The following ASXL3 variants were observed in gnomAD, a reference collection of about 807,000 sequenced individuals.
ASXL3 encodes the protein putative Polycomb group protein ASXL3.
Under a neutral mutation model 170.6 loss-of-function variants are expected in ASXL3, and 34 were observed. The ratio of observed to expected loss-of-function variants is 0.20; its 90% CI spans 0.15 to 0.27. The LOEUF (loss-of-function observed/expected upper bound fraction) is 0.27, where lower values mean the gene tolerates loss of function less well. Ranked by LOEUF, ASXL3 falls within the 10% of genes least tolerant of loss-of-function variation. The pLI is 1.00. For synonymous variants in ASXL3, 1,002 were observed against 989.1 expected, an observed-to-expected ratio of 1.01 and a Z score of -0.24; for missense variants, 2,592 against 2,695.3, an observed-to-expected ratio of 0.96 and a Z score of 0.85.
At chr18:33,707,190 T>C (rs2066974621) in intron 8 of ASXL3, among the ~76,000 whole-genome samples, 1 of 151,970 alleles carries the variant, frequency 6.6e-6, no homozygotes, top group African/African-American at 2.4e-5. Context: ...TTTGTTCTTT[T>C]TCTTTGATTA....
At chr18:33,674,375 A>G (rs2066392495) in intron 7 of ASXL3, among the ~76,000 whole-genome samples, 1 of 152,212 alleles carries the variant, frequency 6.6e-6, no homozygotes, top group Non-Finnish European at 1.5e-5. Flanking sequence ...AAGGAGGAAG[A>G]AGGTGAGATT....
chr18:33,705,548 C>T (rs1001121529), intron 8 of ASXL3, among the ~76,000 whole-genome samples: 7 of 151,596 alleles, frequency 4.6e-5, no homozygotes, highest in Non-Finnish European at 1.0e-4. Context: ...TGCCAAACTA[C>T]AGGTAATTGC....
chr18:33,585,949 G>A (rs546941861), intron 1 of ASXL3, among the ~76,000 whole-genome samples: 10 of 152,092 alleles, frequency 6.6e-5, no homozygotes, highest in African/African-American at 1.9e-4. Flanking sequence ...GCAAGTACAC[G>A]TATTCCATTA....
chr18:33,746,772 C>A lies in ASXL3; in HGVS notation c.*177C>A. ...TTCTCATAAAGGGGAGGATGCATCCCAACTGAATGGCTCACTGGCATGTCT... is the reference window on the plus strand; with the variant it reads ...TTCTCATAAAGGGGAGGATGCATCCAAACTGAATGGCTCACTGGCATGTCT... On this transcript the variant is annotated 3_prime_UTR_variant, in exon 12 of 12. Coordinates refer to ENST00000269197, the MANE Select transcript of ASXL3 (RefSeq NM_030632.3). 9.8e-7 allele frequency: 1 copy of A among 1,021,236 alleles called. No individual in the cohort carries two copies. The highest frequency in any genetic ancestry group is 1.3e-6 in the Non-Finnish European group (1 of 741,226). The allele number at this position is 1,021,236 out of a possible 1,614,324, so 63.3% of individuals were successfully genotyped here. A position where few individuals can be genotyped will look rare whatever the true frequency, so the allele number is the denominator to read the frequency against.
chr18:33,734,311 A>G lies in ASXL3; in HGVS notation c.978A>G (p.Gly326=), dbSNP rs1229500961. The change falls in exon 10 of 12, where the codon GGA becomes GGG. Residue 326 remains glycine, a splice_region_variant and synonymous_variant. Transcript: ENST00000269197. ...AQGWKQRLAE[G]EFTPEMQLRI... Reference sequence around the variant, plus strand: ...AATACATTAGCATTTTCTTTTTAGGAGAGTTTACCCCAGAAATGCAGTTGC... The same window carrying G: ...AATACATTAGCATTTTCTTTTTAGGGGAGTTTACCCCAGAAATGCAGTTGC... 1.3e-6 allele frequency: 2 copies of G among 1,591,716 alleles called. No homozygotes were observed. Among genetic ancestry groups the G allele is most frequent in the African/African-American group, 1.4e-5 (1 of 73,658 alleles).
chr18:33,724,240 A>G lies in ASXL3; in HGVS notation c.880-7728A>G, dbSNP rs540032327. On this transcript the variant is annotated intron_variant, in intron 8 of 11. Transcript: ENST00000269197. ...ATCACAATATTTAAAAAATTATTAT[A>G]TATATTAGGACTTTTTTGACAGTGG... Among the ~76,000 whole-genome samples the G allele has an allele frequency of 1.2e-4, 19 of 152,174 alleles. No individual in the cohort carries two copies. The East Asian group carries it at 3.3e-3, about 26-fold the overall frequency.
chr18:33,586,933 GTCCAGAGA>G (rs1180978631), intron 1 of ASXL3, among the ~76,000 whole-genome samples: 1 of 152,174 alleles, frequency 6.6e-6, no homozygotes, highest in African/African-American at 2.4e-5. Flanking sequence ...AGCACATGGT[GTCCAGAGA>G]AAGTGGTAGA....
chr18:33,703,585 G>A (rs768037515), intron 8 of ASXL3, among the ~76,000 whole-genome samples: 6 of 152,054 alleles, frequency 3.9e-5, no homozygotes, highest in East Asian at 1.9e-4. Flanking sequence ...GAAATGCTGC[G>A]GACCTGCCTC....
At chr18:33,725,311 A>G (rs2067331658) in intron 8 of ASXL3, among the ~76,000 whole-genome samples, 1 of 152,184 alleles carries the variant, frequency 6.6e-6, no homozygotes, top group Non-Finnish European at 1.5e-5. Flanking sequence ...TGTTTACCTT[A>G]GTAATGCTAA....
rs1262694737 is a variant in ASXL3, at chr18:33,578,262, G to C, written c.-370G>C. On this transcript the variant is annotated 5_prime_UTR_variant, in exon 1 of 12. Transcript: ENST00000269197. ...CGGGGCCGAGCGGAGCATCCCCGGA[G>C]CTGTCACCGCAGCGGCCGCGGCGGT... 6.7e-6 allele frequency: 1 copy of C among 150,014 alleles called. No homozygotes were observed. Among genetic ancestry groups the C allele is most frequent in the Non-Finnish European group, 1.5e-5 (1 of 67,420 alleles). 9.3% of individuals were successfully genotyped at this position (150,014 alleles called of 1,614,324 possible). A position where few individuals can be genotyped will look rare whatever the true frequency, so the allele number is the denominator to read the frequency against.
At chr18:33,732,164 T>G in intron 9 of ASXL3, 100 bp downstream of exon 9, 1 of 824,472 alleles carries the variant, frequency 1.2e-6, no homozygotes, top group Non-Finnish European at 1.8e-6. Flanking sequence ...CCCGACACAG[T>G]ACACTTTAAT....
In ASXL3 at chr18:33,743,644, T is replaced by G; in HGVS notation, c.3796T>G (p.Ser1266Ala). The G allele has an allele frequency of 6.2e-7, 1 of 1,613,750 alleles. No individual in the cohort carries two copies. Among genetic ancestry groups the G allele is most frequent in the Non-Finnish European group, 8.5e-7 (1 of 1,179,884 alleles). ...TGTTGATAAATCCTCTGTCCTAATG[T>G]CTGTTGACAGTGCAAACACTACAAT... ...SSVDKSSVLMSVDSANTTISA... is the reference protein window; with the variant it reads ...SSVDKSSVLMAVDSANTTISA... The change falls in exon 12 of 12, where the codon TCT (serine) becomes GCT (alanine). Residue 1266 changes from serine to alanine, a missense_variant. This residue lies in a region of ASXL3 where 2,246 missense variants were observed against 2,219.6 expected (regional missense o/e 1.01). Coordinates refer to ENST00000269197, the MANE Select transcript of ASXL3 (RefSeq NM_030632.3).
At chr18:33,722,698 C>T (rs564829183) in intron 8 of ASXL3, among the ~76,000 whole-genome samples, 1 of 152,230 alleles carries the variant, frequency 6.6e-6, no homozygotes, top group Admixed American at 6.5e-5. Context: ...TTCAGAAGAC[C>T]TAGCTAAGAT....
intron 1 of ASXL3, among the ~76,000 whole-genome samples, chr18:33,598,924 A>G (rs964789068): frequency 2.0e-5 from 3 of 152,186 alleles, no homozygotes; most frequent in Non-Finnish European, 1.5e-5. Context: ...ATCTTCATTA[A>G]TTCATCTATC....
At chr18:33,731,937 G>C (rs2145396810) in intron 8 of ASXL3, 31 bp from the exon 9 acceptor site, 1 of 1,583,166 alleles carries the variant, frequency 6.3e-7, no homozygotes, top group Non-Finnish European at 8.6e-7. Flanking sequence ...ATTCCTGATG[G>C]AACCTTGTTT....
intron 4 of ASXL3, among the ~76,000 whole-genome samples, chr18:33,653,217 G>A (rs543721461): frequency 1.9e-4 from 29 of 152,114 alleles, no homozygotes; most frequent in African/African-American, 6.7e-4. Flanking sequence ...AGGAGGGTGG[G>A]GGTAGGAGAG....
At position 33,644,478 on chromosome 18, in the gene ASXL3, GT is replaced by G. The variant is rs75956043; in HGVS notation, c.138-403del. On this transcript the variant is annotated intron_variant, in intron 2 of 11. Coordinates refer to ENST00000269197, the MANE Select transcript of ASXL3 (RefSeq NM_030632.3). ...GCTCTTGAACTTGGTGGGTTTTTTT[GT>G]TTTTTTTTTTTTGATCATTCAAGTG... 4.1e-3 allele frequency among the ~76,000 whole-genome samples: 550 copies of G among 135,026 alleles called. 3 individuals are homozygous for G. Among genetic ancestry groups the G allele is most frequent in the African/African-American group, 0.012 (430 of 37,144 alleles). 88.6% of individuals were successfully genotyped at this position (135,026 alleles called of 152,430 possible). A position where few individuals can be genotyped will look rare whatever the true frequency, so the allele number is the denominator to read the frequency against.
Position 33,743,468 on chromosome 18 carries a change from T to C in ASXL3, c.3620T>C (p.Ile1207Thr), listed in dbSNP as rs1446632459. Residue 1207 changes from isoleucine to threonine, a missense_variant, in exon 12 of 12, where the codon ATA (isoleucine) becomes ACA (threonine). Around this residue, in one of 4 missense-constraint regions of ASXL3, gnomAD observed 2,246 missense variants for 2,219.6 expected, o/e 1.01. Transcript: ENST00000269197. ...DLSVHSSDEN[I>T]PVSHLSEKIV... ...TCTGTGCATAGTTCTGATGAAAACATACCTGTGTCACATTTATCTGAGAAA... is the reference window on the plus strand; with the variant it reads ...TCTGTGCATAGTTCTGATGAAAACACACCTGTGTCACATTTATCTGAGAAA... The C allele has an allele frequency of 2.5e-6, 4 of 1,613,540 alleles. No individual in the cohort carries two copies. Among genetic ancestry groups the C allele is most frequent in the African/African-American group, 2.7e-5 (2 of 74,928 alleles).
At chr18:33,582,057 T>A (rs956788537) in intron 1 of ASXL3, among the ~76,000 whole-genome samples, 2 of 152,230 alleles carry the variant, frequency 1.3e-5, no homozygotes, top group African/African-American at 4.8e-5. Context: ...ATATGGAGTC[T>A]GCTCCCAAAC....
Sources: allele counts gnomAD v4.1 joint callset (sites outside exome capture counted in the v4.1 genomes callset), GRCh38; gene constraint gnomAD v4.1.1; regional missense constraint gnomAD v4.1.1; transcripts MANE v1.5; gene names NCBI Gene and HGNC (gene_info 2026-07-23, HGNC 2026-07-21).